The following GPM6A variants were observed in gnomAD, a reference collection of about 807,000 sequenced individuals.
The protein encoded by GPM6A is neuronal membrane glycoprotein M6-a.
A neutral mutation model predicts 32.1 loss-of-function variants in GPM6A; 7 were observed. That is an observed-to-expected ratio of 0.22 (90% CI 0.12 to 0.41). The LOEUF (loss-of-function observed/expected upper bound fraction) is 0.41, where lower values mean the gene tolerates loss of function less well. GPM6A is among the 10% of genes least tolerant of loss of function. The probability of loss-of-function intolerance (pLI) is 1.00; values close to 1 mark genes in which losing one functional copy is unlikely to be tolerated. For missense variants in GPM6A, 235 were observed against 347.2 expected, an observed-to-expected ratio of 0.68 and a Z score of 2.57; for synonymous variants, 130 against 123.4, an observed-to-expected ratio of 1.05 and a Z score of -0.35.
At chr4:175,643,982 T>C (rs1010755745) in intron 4 of GPM6A, among the ~76,000 whole-genome samples, 11 of 152,110 alleles carry the variant, frequency 7.2e-5, no homozygotes, top group African/African-American at 1.9e-4. Flanking sequence ...AGGTGAGAAG[T>C]ATGCAAGACC....
intron 1 of GPM6A, among the ~76,000 whole-genome samples, chr4:175,782,996 G>T (rs1221421768): frequency 6.6e-6 from 1 of 151,784 alleles, no homozygotes; most frequent in Non-Finnish European, 1.5e-5. Flanking sequence ...AGCAATGATG[G>T]AGCAAAACTC....
At chr4:175,878,077 C>A (rs1737142993) in intron 1 of GPM6A, among the ~76,000 whole-genome samples, 1 of 152,206 alleles carries the variant, frequency 6.6e-6, no homozygotes, top group African/African-American at 2.4e-5. Context: ...GTCTCCCATC[C>A]ACATCACACT....
chr4:175,644,576 G>A (rs1162133739), intron 4 of GPM6A, among the ~76,000 whole-genome samples: 2 of 151,858 alleles, frequency 1.3e-5, no homozygotes, highest in Non-Finnish European at 2.9e-5. Flanking sequence ...CTCTAGAAGG[G>A]AGCACGTGGA....
At chr4:175,926,336 C>T (rs1738838462) in intron 1 of GPM6A, among the ~76,000 whole-genome samples, 1 of 152,120 alleles carries the variant, frequency 6.6e-6, no homozygotes, top group Non-Finnish European at 1.5e-5. Context: ...AACAGAAAAA[C>T]ACGCATAAGA....
intron 1 of GPM6A, among the ~76,000 whole-genome samples, chr4:175,877,954 T>G (rs559727967): frequency 1.4e-4 from 22 of 152,160 alleles, no homozygotes; most frequent in African/African-American, 4.8e-4. Context: ...GTAAAAACAC[T>G]CACTCGAAAT....
At chr4:175,947,020 G>T (rs1739631000) in intron 1 of GPM6A, among the ~76,000 whole-genome samples, 1 of 152,128 alleles carries the variant, frequency 6.6e-6, no homozygotes, top group Non-Finnish European at 1.5e-5. Context: ...TTTATAGGAT[G>T]AAATGAAGTG....
At chr4:176,002,171 C>G in intron 1 of GPM6A, 1 of 853,772 alleles carries the variant, frequency 1.2e-6, no homozygotes, top group Non-Finnish European at 1.9e-6. Context: ...GGGCGGGGGG[C>G]GGGGGACGCC....
At chr4:175,687,920 A>G (rs565157469) in intron 2 of GPM6A, among the ~76,000 whole-genome samples, 7 of 152,228 alleles carry the variant, frequency 4.6e-5, no homozygotes, top group Non-Finnish European at 8.8e-5. Flanking sequence ...TTTGATTTGC[A>G]CTTCCCAGAT....
intron 1 of GPM6A, among the ~76,000 whole-genome samples, chr4:175,900,838 A>G (rs1737941735): frequency 6.6e-6 from 1 of 152,202 alleles, no homozygotes; most frequent in Non-Finnish European, 1.5e-5. Context: ...TTGTTGAAGC[A>G]CTGTTTACAA....
At chr4:175,660,480 A>G (rs1560857969) in intron 3 of GPM6A, among the ~76,000 whole-genome samples, 1 of 152,166 alleles carries the variant, frequency 6.6e-6, no homozygotes, top group Non-Finnish European at 1.5e-5. Context: ...ATTTTAATAT[A>G]TTATGTGAAA....
chr4:175,752,962 T>C (rs112001867), intron 1 of GPM6A, among the ~76,000 whole-genome samples: 57 of 152,290 alleles, frequency 3.7e-4, no homozygotes, highest in African/African-American at 1.4e-3. Context: ...GAATGTTCTC[T>C]AGTTTTAGGA....
Position 175,793,494 on chromosome 4 carries a change from G to C in GPM6A, c.37+18697C>G, listed in dbSNP as rs190263467. On this transcript the variant is annotated intron_variant, in intron 1 of 6. Transcript: ENST00000393658. The stretch of plus-strand genomic sequence containing the variant: ...CAGGTTCAAGTGATTCTCCTGCCTC[G>C]GCCTCCTGAGTAGCTGGGAATATAG... Among the ~76,000 whole-genome samples, 197 of 151,962 alleles carry C rather than the reference G, an allele frequency of 1.3e-3. No individual in the cohort carries two copies. In the Middle Eastern group the frequency reaches 0.014, roughly 10 times the overall value.
At chr4:175,877,661 C>T (rs944197831) in intron 1 of GPM6A, among the ~76,000 whole-genome samples, 1 of 152,128 alleles carries the variant, frequency 6.6e-6, no homozygotes, top group African/African-American at 2.4e-5. Flanking sequence ...CTGGTCCCAC[C>T]CTTGACACAT....
chr4:175,999,220 G>T (rs1162052475), intron 1 of GPM6A, among the ~76,000 whole-genome samples: 3 of 152,234 alleles, frequency 2.0e-5, no homozygotes, highest in African/African-American at 7.2e-5. Flanking sequence ...AACAGTAAGT[G>T]TTGTGTTCAG....
intron 1 of GPM6A, among the ~76,000 whole-genome samples, chr4:175,848,292 G>A (rs1027034994): frequency 3.9e-5 from 6 of 152,130 alleles, no homozygotes; most frequent in African/African-American, 1.4e-4. Flanking sequence ...CTAATGAAAA[G>A]CCTTTTCCAA....
chr4:175,904,861 C>T (rs924095942), intron 1 of GPM6A, among the ~76,000 whole-genome samples: 3 of 152,088 alleles, frequency 2.0e-5, no homozygotes, highest in African/African-American at 4.8e-5. Flanking sequence ...TCAGAAGGTA[C>T]ATCAATTTTA....
At chr4:175,735,386 T>C (rs1731615056) in intron 1 of GPM6A, among the ~76,000 whole-genome samples, 2 of 152,178 alleles carry the variant, frequency 1.3e-5, no homozygotes, top group Admixed American at 6.5e-5. Context: ...ATTATTGTTA[T>C]TAAGTGGTCC....
intron 3 of GPM6A, among the ~76,000 whole-genome samples, chr4:175,664,956 A>C (rs533456898): frequency 6.6e-6 from 1 of 152,324 alleles, no homozygotes; most frequent in South Asian, 2.1e-4. Context: ...TCTACACAGC[A>C]TGTTACTATA....
chr4:175,777,588 TTATAAGATATG>T, intron 1 of GPM6A, among the ~76,000 whole-genome samples: 1 of 152,238 alleles, frequency 6.6e-6, no homozygotes, highest in Middle Eastern at 3.4e-3. Flanking sequence ...TTATATCTAC[TTATAAGATATG>T]GGATTAGCCT....
Sources: gnomAD v4.1 joint callset for allele counts (sites outside exome capture counted in the v4.1 genomes callset) on GRCh38, gnomAD v4.1.1 for gene constraint, MANE v1.5 for transcripts, NCBI Gene and HGNC (gene_info 2026-07-23, HGNC 2026-07-21) for gene names.